SGCD: variants seen among roughly 807,000 people sequenced by gnomAD.
SGCD encodes the protein delta-sarcoglycan.
In SGCD, 18 loss-of-function variants were observed where a neutral mutation model predicts 36.6. That is an observed-to-expected ratio of 0.49 (90% CI 0.34 to 0.73). The LOEUF is 0.73. Ranked by LOEUF, SGCD falls within the 30% of genes least tolerant of loss-of-function variation. SGCD has a pLI of 0.01. For missense variants in SGCD, 387 were observed against 346.7 expected, an observed-to-expected ratio of 1.12 and a Z score of -0.92; for synonymous variants, 133 against 130.6, an observed-to-expected ratio of 1.02 and a Z score of -0.12.
At chr5:156,119,799 A>G (rs528641572) in intron 2 of SGCD, among the ~76,000 whole-genome samples, 7 of 152,156 alleles carry the variant, frequency 4.6e-5, no homozygotes, top group African/African-American at 1.7e-4. Context: ...TGTGTGCTTT[A>G]TGCTCACAGG....
chr5:155,990,611 T>C (rs983515061), intron 1 of SGCD, among the ~76,000 whole-genome samples: 3 of 152,308 alleles, frequency 2.0e-5, no homozygotes, highest in African/African-American at 7.2e-5. Flanking sequence ...ATATAAAATA[T>C]TTGAATTTTT....
At chr5:156,295,005 G>A (rs1766858030) in intron 3 of SGCD, among the ~76,000 whole-genome samples, 1 of 152,138 alleles carries the variant, frequency 6.6e-6, no homozygotes. Flanking sequence ...GAGTTAGGGA[G>A]TGTTCCCTCT....
chr5:156,574,985 C>T (rs1759871970), intron 4 of SGCD, among the ~76,000 whole-genome samples: 2 of 152,220 alleles, frequency 1.3e-5, no homozygotes, highest in African/African-American at 4.8e-5. Flanking sequence ...GCCACAAAGC[C>T]CAGACTTGTG....
At chr5:156,263,694 A>G (rs982890998) in intron 3 of SGCD, among the ~76,000 whole-genome samples, 2 of 152,078 alleles carry the variant, frequency 1.3e-5, no homozygotes, top group Admixed American at 6.6e-5. Context: ...GATTTTTCTC[A>G]TGTTATCTTC....
At chr5:156,395,807 C>T (rs1771818730) in intron 3 of SGCD, among the ~76,000 whole-genome samples, 1 of 152,154 alleles carries the variant, frequency 6.6e-6, no homozygotes, top group African/African-American at 2.4e-5. Flanking sequence ...CCCTGCCCTA[C>T]AGGGATACAG....
chr5:156,357,052 CATGGTAGCCACAGGAAACTG>C (rs1769528342), intron 3 of SGCD, among the ~76,000 whole-genome samples: 1 of 152,154 alleles, frequency 6.6e-6, no homozygotes, highest in Non-Finnish European at 1.5e-5. Flanking sequence ...GATAATTTGT[CATGGTAGCCACAGGAAACTG>C]ATACACAGAT....
At chr5:155,942,622 G>A (rs545761762) in intron 1 of SGCD, among the ~76,000 whole-genome samples, 78 of 152,254 alleles carry the variant, frequency 5.1e-4, no homozygotes, top group Middle Eastern at 3.4e-3. Context: ...CAATGCAATG[G>A]AGGCAGAATT....
chr5:156,185,862 G>T (rs1286483748), intron 3 of SGCD, among the ~76,000 whole-genome samples: 1,106 of 4,574 alleles, frequency 0.24, 48 homozygotes, highest in African/African-American at 0.38. Context: ...GAGAGAGAGA[G>T]AGAGAGAGAG....
At chr5:156,007,305 C>T (rs1287462899) in intron 1 of SGCD, among the ~76,000 whole-genome samples, 1 of 152,146 alleles carries the variant, frequency 6.6e-6, no homozygotes, top group Non-Finnish European at 1.5e-5. Flanking sequence ...GCCCAGTAAA[C>T]CCTGAATCCA....
chr5:156,201,379 G>A (rs902474035), intron 3 of SGCD, among the ~76,000 whole-genome samples: 2 of 152,124 alleles, frequency 1.3e-5, no homozygotes, highest in Non-Finnish European at 2.9e-5. Flanking sequence ...CTTTGTGCAA[G>A]CTGTAGCCCA....
intron 3 of SGCD, among the ~76,000 whole-genome samples, chr5:156,449,612 A>G (rs1163112664): frequency 2.1e-5 from 3 of 145,894 alleles, no homozygotes; most frequent in Non-Finnish European, 4.5e-5. Flanking sequence ...CGGGTGGATC[A>G]CCTGAGGTCA....
At chr5:156,538,128 A>G (rs1265512680) in intron 4 of SGCD, among the ~76,000 whole-genome samples, 2 of 151,890 alleles carry the variant, frequency 1.3e-5, no homozygotes, top group Non-Finnish European at 2.9e-5. Context: ...ACCATTGACT[A>G]AGGATAGGCT....
intron 3 of SGCD, among the ~76,000 whole-genome samples, chr5:156,458,747 T>A (rs960709913): frequency 3.9e-5 from 6 of 152,216 alleles, no homozygotes; most frequent in African/African-American, 1.2e-4. Flanking sequence ...ATCATCCACC[T>A]GAAATACAGG....
chr5:156,001,101 C>G (rs976556248), intron 1 of SGCD, among the ~76,000 whole-genome samples: 3 of 152,310 alleles, frequency 2.0e-5, no homozygotes, highest in Admixed American at 6.5e-5. Flanking sequence ...CTTCTGGGGT[C>G]TACTACCTGC....
chr5:156,757,514 T>C (rs948278069), intron 7 of SGCD, 67 bp from the exon 8 acceptor site: 2 of 1,027,426 alleles, frequency 1.9e-6, no homozygotes, highest in Admixed American at 5.1e-5. Flanking sequence ...TCCTTGAGCA[T>C]GAACTTCCTT....
intron 3 of SGCD, among the ~76,000 whole-genome samples, chr5:156,384,522 G>C (rs1452650973): frequency 2.0e-5 from 3 of 152,166 alleles, no homozygotes; most frequent in Non-Finnish European, 2.9e-5. Flanking sequence ...GCCAGACACT[G>C]TGCTGGACAG....
intron 3 of SGCD, among the ~76,000 whole-genome samples, chr5:156,507,463 C>T (rs1756749820): frequency 6.6e-6 from 1 of 152,170 alleles, no homozygotes; most frequent in African/African-American, 2.4e-5. Flanking sequence ...TTCTAACACA[C>T]AGAACTGTAA....
chr5:156,171,801 C>T (rs1302941899), intron 3 of SGCD, among the ~76,000 whole-genome samples: 1 of 152,156 alleles, frequency 6.6e-6, no homozygotes, highest in Non-Finnish European at 1.5e-5. Flanking sequence ...TCAAATCCAA[C>T]TCTAGTGGCA....
intron 3 of SGCD, among the ~76,000 whole-genome samples, chr5:156,221,107 CT>C (rs1236436919): frequency 6.6e-6 from 1 of 152,022 alleles, no homozygotes; most frequent in African/African-American, 2.4e-5. Context: ...TAATATAATG[CT>C]GTAATAGGTA....
Sources: allele counts gnomAD v4.1 joint callset (sites outside exome capture counted in the v4.1 genomes callset), GRCh38; gene constraint gnomAD v4.1.1; transcripts MANE v1.5; gene names NCBI Gene and HGNC (gene_info 2026-07-23, HGNC 2026-07-21).